The following CYFIP2 variants were observed in gnomAD, a reference collection of about 807,000 sequenced individuals.
CYFIP2 encodes the protein cytoplasmic FMR1 interacting protein 2.
Under a neutral mutation model 158.7 loss-of-function variants are expected in CYFIP2, and 29 were observed. The observed-to-expected ratio is 0.18, with a 90% CI of 0.14 to 0.25. The LOEUF (loss-of-function observed/expected upper bound fraction) is 0.25. Among genes scored for constraint, CYFIP2 ranks in the 10% least tolerant of loss-of-function variants. The pLI is 1.00. For missense variants in CYFIP2, 852 were observed against 1,639.5 expected, an observed-to-expected ratio of 0.52 and a Z score of 8.29; for synonymous variants, 585 against 617.6, an observed-to-expected ratio of 0.95 and a Z score of 0.78.
At chr5:157,366,077 T>G (rs1764342235) in intron 26 of CYFIP2, among the ~76,000 whole-genome samples, 1 of 152,206 alleles carries the variant, frequency 6.6e-6, no homozygotes, top group Non-Finnish European at 1.5e-5. Flanking sequence ...ATACTCCCAT[T>G]CAGCAGTGTA....
chr5:157,382,148 C>T (rs770577846), intron 26 of CYFIP2, among the ~76,000 whole-genome samples: 6 of 152,194 alleles, frequency 3.9e-5, no homozygotes, highest in African/African-American at 1.2e-4. Context: ...TAGGCCTTTA[C>T]ACAGAGTCCT....
Position 157,382,675 on chromosome 5 carries a change from T to C in CYFIP2, c.3112+13T>C, listed in dbSNP as rs377288838. The C allele has an allele frequency of 1.8e-5, 29 of 1,613,268 alleles. No homozygotes were observed. The African/African-American group carries it at 3.5e-4, about 19-fold the overall frequency. On this transcript the variant is annotated intron_variant, in intron 27 of 30. Transcript: ENST00000620254. ...GTCTACATCAAAGGTAAGAAACCAC[T>C]ACAGCAGCTGAATAGCCAACTGGCG...
Position 157,390,515 on chromosome 5 carries a change from T to C in CYFIP2, c.3447-6T>C. ...CACTCCAGCTGCTTCCTCCCCCTGC[T>C]CCCAGGCAGTGTTTCGGCGATGGCT... On this transcript the variant is annotated splice_region_variant and splice_polypyrimidine_tract_variant and intron_variant, in intron 29 of 30. Coordinates refer to ENST00000620254, the MANE Select transcript of CYFIP2 (RefSeq NM_001037333.3). 6.8e-7 allele frequency: 1 copy of C among 1,462,658 alleles called. No homozygotes were observed. Among genetic ancestry groups the C allele is most frequent in the Non-Finnish European group, 9.2e-7 (1 of 1,090,316 alleles). 90.6% of individuals were successfully genotyped at this position (1,462,658 alleles called of 1,614,324 possible).
At chr5:157,293,611 CAG>C (rs1758011968) in intron 3 of CYFIP2, among the ~76,000 whole-genome samples, 1 of 152,178 alleles carries the variant, frequency 6.6e-6, no homozygotes, top group South Asian at 2.1e-4. Flanking sequence ...TCCAGCCTCA[CAG>C]AGAGCTTGCT....
intron 22 of CYFIP2, among the ~76,000 whole-genome samples, chr5:157,340,087 C>T (rs1762138521): frequency 6.6e-6 from 1 of 152,286 alleles, no homozygotes; most frequent in African/African-American, 2.4e-5. Flanking sequence ...CAAAGTGGAA[C>T]TTGCCTCCTG....
At chr5:157,381,746 C>T (rs1017472570) in intron 26 of CYFIP2, among the ~76,000 whole-genome samples, 7 of 152,124 alleles carry the variant, frequency 4.6e-5, no homozygotes, top group African/African-American at 7.2e-5. Flanking sequence ...CATCCATGCC[C>T]GGGGTAGAAG....
intron 6 of CYFIP2, among the ~76,000 whole-genome samples, chr5:157,301,886 T>A (rs1434546456): frequency 3.9e-5 from 6 of 152,106 alleles, no homozygotes; most frequent in Non-Finnish European, 8.8e-5. Flanking sequence ...AGAGAGACCC[T>A]CCTTGAATGA....
intron 20 of CYFIP2, 50 bp from the exon 21 acceptor site, chr5:157,333,276 AC>A: frequency 6.2e-7 from 1 of 1,610,634 alleles, no homozygotes; most frequent in East Asian, 2.2e-5. Context: ...GAGCCACTGC[AC>A]CTGGCCAGTG....
Position 157,342,012 on chromosome 5 carries a change from T to G in CYFIP2, c.2673+855T>G, listed in dbSNP as rs1561746007. ...ATTCTCTTTCAAACCTTATGCTATA[T>G]CAAGGAGAAAGACAAATATTGGTGC... On this transcript the variant is annotated intron_variant, in intron 23 of 30. Transcript: ENST00000620254. The G allele has an allele frequency of 2.6e-5, 4 of 152,710 alleles. No homozygotes were observed. In the South Asian group the frequency reaches 8.3e-4, roughly 32 times the overall value. The allele number at this position is 152,710 out of a possible 1,614,324, so 9.5% of individuals were successfully genotyped here.
At chr5:157,305,010 T>A (rs374400318) in intron 8 of CYFIP2, among the ~76,000 whole-genome samples, 1 of 152,040 alleles carries the variant, frequency 6.6e-6, no homozygotes, top group Non-Finnish European at 1.5e-5. Flanking sequence ...TACAATATTT[T>A]GTTTTTCATT....
At chr5:157,308,517 G>A (rs1323749048) in intron 9 of CYFIP2, among the ~76,000 whole-genome samples, 1 of 152,196 alleles carries the variant, frequency 6.6e-6, no homozygotes, top group African/African-American at 2.4e-5. Flanking sequence ...AACTTCCCAT[G>A]TTCTCAGTTT....
At chr5:157,294,932 C>A in intron 4 of CYFIP2, 72 bp downstream of exon 4, 1 of 1,270,690 alleles carries the variant, frequency 7.9e-7, no homozygotes, top group Non-Finnish European at 1.1e-6. Context: ...ATCCCCAAAC[C>A]AGAGAGCTGA....
intron 1 of CYFIP2, among the ~76,000 whole-genome samples, chr5:157,276,448 A>G (rs1756551104): frequency 6.6e-6 from 1 of 152,168 alleles, no homozygotes; most frequent in Non-Finnish European, 1.5e-5. Context: ...GTTAATGTTA[A>G]TCCAATCTTA....
chr5:157,383,364 C>T lies in CYFIP2; in HGVS notation c.3207+5C>T. On this transcript the variant is annotated splice_donor_5th_base_variant and intron_variant, in intron 28 of 30. Coordinates refer to ENST00000620254, the MANE Select transcript of CYFIP2 (RefSeq NM_001037333.3). The stretch of plus-strand genomic sequence containing the variant: ...GAGCGGCTGGGGACCCCTCAGGTAC[C>T]AATCTTATATAATAAATGGGCTCTG... 6.2e-7 allele frequency: 1 copy of T among 1,612,612 alleles called. No individual in the cohort carries two copies. Among genetic ancestry groups the T allele is most frequent in the Non-Finnish European group, 8.5e-7 (1 of 1,178,984 alleles).
intron 28 of CYFIP2, among the ~76,000 whole-genome samples, chr5:157,388,553 A>C (rs1340193520): frequency 6.6e-6 from 1 of 152,242 alleles, no homozygotes; most frequent in African/African-American, 2.4e-5. Context: ...TGCTTTACAC[A>C]CACACATCAC....
rs1256439553 is a variant in CYFIP2, at chr5:157,291,220, A to G, written c.208-3563A>G. ...CAAATTCCCCAGGTGACTCTAATATACAACAAGGGTTGAACACGAATGATT... is the reference window on the plus strand; with the variant it reads ...CAAATTCCCCAGGTGACTCTAATATGCAACAAGGGTTGAACACGAATGATT... On this transcript the variant is annotated intron_variant, in intron 3 of 30. Coordinates refer to ENST00000620254, the MANE Select transcript of CYFIP2 (RefSeq NM_001037333.3). Among the ~76,000 whole-genome samples, 3 of 152,174 alleles carry G rather than the reference A, an allele frequency of 2.0e-5. No individual in the cohort carries two copies. The East Asian group carries it at 5.8e-4, about 29-fold the overall frequency.
At chr5:157,286,250 A>G (rs1418172563) in intron 2 of CYFIP2, among the ~76,000 whole-genome samples, 1 of 152,002 alleles carries the variant, frequency 6.6e-6, no homozygotes, top group Non-Finnish European at 1.5e-5. Flanking sequence ...TATTATAAGC[A>G]ATACAGAAAA....
chr5:157,360,377 G>GTGAT lies in CYFIP2; in HGVS notation c.2908+6_2908+9dup, dbSNP rs530301071. ...GACATGAGTATGGCTCCCCAGGTTG[G>GTGAT]TGATAGCAAAACAATCCAGACCCCT... On this transcript the variant is annotated splice_donor_region_variant and intron_variant, in intron 25 of 30. Transcript: ENST00000620254. The GTGAT allele has an allele frequency of 2.5e-6, 4 of 1,612,690 alleles. No homozygotes were observed. The South Asian group carries it at 4.4e-5, about 18-fold the overall frequency.
At chr5:157,272,342 T>G (rs1756175527) in intron 1 of CYFIP2, among the ~76,000 whole-genome samples, 3 of 152,362 alleles carry the variant, frequency 2.0e-5, no homozygotes, top group Admixed American at 6.5e-5. Flanking sequence ...TGCCAGTCAG[T>G]GCTGGGTACC....
Sources: gnomAD v4.1 joint callset for allele counts (sites outside exome capture counted in the v4.1 genomes callset) on GRCh38, gnomAD v4.1.1 for gene constraint, MANE v1.5 for transcripts, NCBI Gene and HGNC (gene_info 2026-07-23, HGNC 2026-07-21) for gene names.